Variants in IFNLR1 observed in about 807,000 individuals in gnomAD.
IFNLR1 encodes the protein interferon lambda receptor 1.
Under a neutral mutation model 52.5 loss-of-function variants are expected in IFNLR1, and 28 were observed. The observed-to-expected ratio is 0.53, with a 90% CI of 0.40 to 0.73. The LOEUF is 0.73. Ranked by LOEUF, IFNLR1 falls within the 30% of genes least tolerant of loss-of-function variation. The pLI, the probability that IFNLR1 is intolerant of heterozygous loss-of-function variation, is 0.00. For missense variants in IFNLR1, 623 were observed against 659.1 expected (o/e 0.95, Z 0.60); for synonymous variants, 276 against 274.9 (o/e 1.00, Z -0.04).
intron 3 of IFNLR1, among the ~76,000 whole-genome samples, chr1:24,162,864 TTTCTTTCTTTCTTTCCTTCCTTCC>T (rs1644472816): frequency 2.5e-4 from 19 of 74,828 alleles, no homozygotes; most frequent in South Asian, 5.8e-4. Flanking sequence ...TCTTTCTTTC[TTTCTTTCTTTCTTTCCTTCCTTCC>T]TTCCTTCCTT....
chr1:24,157,932 T>C lies in IFNLR1; in HGVS notation c.802-41A>G. On this transcript the variant is annotated intron_variant, in intron 6 of 6. Transcript: ENST00000327535. The surrounding 1 kb of genome is among the most constrained non-coding windows in gnomAD (Gnocchi z 5.1). ...GAGAGAAAAGCAGAAAATTTAGGCT[T>C]TCCTGAAGCATAATTATCATCATCT... The C allele has an allele frequency of 6.7e-7, 1 of 1,499,558 alleles. No homozygotes were observed. The highest frequency in any genetic ancestry group is 8.9e-7 in the Non-Finnish European group (1 of 1,122,928). The allele number at this position is 1,499,558 out of a possible 1,614,324, so 92.9% of individuals were successfully genotyped here.
intron 3 of IFNLR1, among the ~76,000 whole-genome samples, chr1:24,162,762 TTC>T (rs372298324): frequency 0.051 from 1,251 of 24,644 alleles, 74 homozygotes; most frequent in Non-Finnish European, 0.063. Flanking sequence ...CTTTCTTTCT[TTC>T]TTTCTTTCTT....
chr1:24,178,506 G>A (rs141277050), intron 2 of IFNLR1, among the ~76,000 whole-genome samples: 1 of 152,182 alleles, frequency 6.6e-6, no homozygotes, highest in Non-Finnish European at 1.5e-5. Flanking sequence ...ATGGACAGCT[G>A]GAAAGGTATC....
chr1:24,180,697 C>CT, intron 2 of IFNLR1, 34 bp downstream of exon 2: 4 of 614,118 alleles, frequency 6.5e-6, no homozygotes, highest in East Asian at 5.7e-5. Flanking sequence ...CCCCCTCAGT[C>CT]TTCCCATCCA....
intron 2 of IFNLR1, among the ~76,000 whole-genome samples, chr1:24,171,307 A>G (rs1187842640): frequency 2.0e-5 from 3 of 152,260 alleles, no homozygotes; most frequent in Admixed American, 6.5e-5. Flanking sequence ...TCTAATGAAC[A>G]TATACAGAAC....
At chr1:24,181,764 C>A (rs186726261) in intron 1 of IFNLR1, among the ~76,000 whole-genome samples, 1 of 152,116 alleles carries the variant, frequency 6.6e-6, no homozygotes, top group Non-Finnish European at 1.5e-5. Flanking sequence ...TGGCTCCCAG[C>A]GCCAGAGCAA....
chr1:24,173,665 T>C (rs981725122), intron 2 of IFNLR1, among the ~76,000 whole-genome samples: 1 of 151,584 alleles, frequency 6.6e-6, no homozygotes, highest in Non-Finnish European at 1.5e-5. Flanking sequence ...CTCTTTTTTT[T>C]AGAGACAGAG....
Position 24,156,099 on chromosome 1 carries a change from G to T in IFNLR1, c.*1031C>A, listed in dbSNP as rs893306145. The stretch of plus-strand genomic sequence containing the variant: ...TGGGTCCCTAGAAGGTGGAGCAGTT[G>T]GTTCCTCCCCTGGGAAGCAGGGTTC... On this transcript the variant is annotated 3_prime_UTR_variant, in exon 7 of 7. Coordinates refer to ENST00000327535, the MANE Select transcript of IFNLR1 (RefSeq NM_170743.4). 1 of 152,210 alleles carries T rather than the reference G, an allele frequency of 6.6e-6. No homozygotes were observed. The highest frequency in any genetic ancestry group is 2.4e-5 in the African/African-American group (1 of 41,438). 9.4% of individuals were successfully genotyped at this position (152,210 alleles called of 1,614,324 possible).
At chr1:24,181,609 T>C (rs1557653497) in intron 1 of IFNLR1, among the ~76,000 whole-genome samples, 1 of 152,190 alleles carries the variant, frequency 6.6e-6, no homozygotes, top group Non-Finnish European at 1.5e-5. Context: ...TCCCTACTCA[T>C]TGCACCTTCC....
At position 24,157,339 on chromosome 1, in the gene IFNLR1, C is replaced by A. The variant is rs1036853349; in HGVS notation, c.1354G>T (p.Gly452Cys). The A allele has an allele frequency of 6.2e-7, 1 of 1,614,142 alleles. No homozygotes were observed. Among genetic ancestry groups the A allele is most frequent in the Admixed American group, 1.7e-5 (1 of 60,016 alleles). ...AGATTCGGCTCCGGTGGTAAGGTGCCCCAGGTGGCCCAGGAGGAGAGGTTA... is the reference window on the plus strand; with the variant it reads ...AGATTCGGCTCCGGTGGTAAGGTGCACCAGGTGGCCCAGGAGGAGAGGTTA... ...EDNLSSWATW[G>C]TLPPEPNLVP... is the part of the protein sequence containing the mutation. Residue 452 changes from glycine (G) to cysteine (C), a missense_variant, in exon 7 of 7, where the codon GGC becomes TGC. Physicochemically the swap from Gly to Cys is radical, Grantham distance 159. Coordinates refer to ENST00000327535, the MANE Select transcript of IFNLR1 (RefSeq NM_170743.4). The surrounding 1 kb of genome is among the most constrained non-coding windows in gnomAD (Gnocchi z 5.1).
chr1:24,180,692 T>G, intron 2 of IFNLR1, 39 bp downstream of exon 2: 3 of 302,330 alleles, frequency 9.9e-6, no homozygotes, highest in South Asian at 2.5e-5. Flanking sequence ...ACCCACCCCC[T>G]CAGTCTTCCC....
chr1:24,187,144 C>T, intron 1 of IFNLR1, 47 bp downstream of exon 1: 3 of 1,259,882 alleles, frequency 2.4e-6, no homozygotes, highest in Non-Finnish European at 2.1e-6. Context: ...CGCGGCCCGG[C>T]CCGGGGAGCC....
In IFNLR1 at chr1:24,162,876, T is replaced by TTTCTTTCTTTCTTTCTTTCC. The variant is rs1553162229; in HGVS notation, c.368-1193_368-1192insGGAAAGAAAGAAAGAAAGAA. 8.9e-5 allele frequency among the ~76,000 whole-genome samples: 2 copies of TTTCTTTCTTTCTTTCTTTCC among 22,588 alleles called. 1 individual carries two copies. The highest frequency in any genetic ancestry group is 1.1e-3 in the Admixed American group (2 of 1,838). 14.8% of individuals were successfully genotyped at this position (22,588 alleles called of 152,430 possible). ...CTTTCTTTCTTTCTTTCTTTCTTTC[T>TTTCTTTCTTTCTTTCTTTCC]TTCCTTCCTTCCTTCCTTCCTTCCT... On this transcript the variant is annotated intron_variant, in intron 3 of 6. Coordinates refer to ENST00000327535, the MANE Select transcript of IFNLR1 (RefSeq NM_170743.4).
chr1:24,185,616 G>C (rs898267628), intron 1 of IFNLR1, among the ~76,000 whole-genome samples: 3 of 152,194 alleles, frequency 2.0e-5, no homozygotes, highest in African/African-American at 7.2e-5. Flanking sequence ...TCCTCTAGCT[G>C]GGACTGTATC....
intron 1 of IFNLR1, among the ~76,000 whole-genome samples, chr1:24,185,854 C>T (rs995694021): frequency 2.0e-5 from 3 of 152,322 alleles, no homozygotes; most frequent in Non-Finnish European, 1.5e-5. Flanking sequence ...AAACCTCAAT[C>T]ACCCTTGGGA....
At chr1:24,166,742 G>A (rs560764137) in intron 3 of IFNLR1, among the ~76,000 whole-genome samples, 3 of 150,266 alleles carry the variant, frequency 2.0e-5, no homozygotes, top group Non-Finnish European at 4.4e-5. Context: ...TTGTAGAGAC[G>A]AGGTCTCCCT....
chr1:24,185,341 C>T (rs1388430524), intron 1 of IFNLR1, among the ~76,000 whole-genome samples: 3 of 152,148 alleles, frequency 2.0e-5, no homozygotes, highest in Non-Finnish European at 2.9e-5. Context: ...TTGACCACTA[C>T]GAGTCAAACA....
At chr1:24,164,621 A>G (rs1197526920) in intron 3 of IFNLR1, among the ~76,000 whole-genome samples, 7 of 152,202 alleles carry the variant, frequency 4.6e-5, no homozygotes, top group Non-Finnish European at 8.8e-5. Context: ...GGTTTGATTG[A>G]AGGGGACTGT....
chr1:24,166,397 T>A (rs1049451367), intron 3 of IFNLR1, among the ~76,000 whole-genome samples: 1 of 152,124 alleles, frequency 6.6e-6, no homozygotes, highest in Non-Finnish European at 1.5e-5. Flanking sequence ...TTTCTACACA[T>A]CCTTCCTTCT....
Sources: gnomAD v4.1 joint callset for allele counts (sites outside exome capture counted in the v4.1 genomes callset) on GRCh38, gnomAD v4.1.1 for gene constraint, Gnocchi (gnomAD v3.1) non-coding constraint, MANE v1.5 for transcripts, NCBI Gene and HGNC (gene_info 2026-07-23, HGNC 2026-07-21) for gene names.